Variants in SCRN3 observed in about 807,000 individuals in gnomAD.
The protein encoded by SCRN3 is secernin 3, also known as secernin-3.
In SCRN3, 39 loss-of-function variants were observed where a neutral mutation model predicts 43.1. That is an observed-to-expected ratio of 0.91 (90% confidence interval 0.70 to 1.18). The LOEUF is 1.18. Ranked by LOEUF, SCRN3 falls within the 50% of genes most tolerant of loss-of-function variation. SCRN3 has a pLI of 0.00. For synonymous variants in SCRN3, 147 were observed against 163.1 expected (o/e 0.90, Z 0.75); for missense variants, 484 against 498.0 (o/e 0.97, Z 0.27).
chr2:174,410,516 C>T (rs1685880941), intron 5 of SCRN3: 1 of 152,264 alleles, frequency 6.6e-6, no homozygotes, highest in Non-Finnish European at 1.5e-5. Flanking sequence ...AAGTATTATA[C>T]AATTGTGAGA....
chr2:174,411,046 T>C (rs1396947383), intron 5 of SCRN3, among the ~76,000 whole-genome samples: 1 of 152,072 alleles, frequency 6.6e-6, no homozygotes, highest in Non-Finnish European at 1.5e-5. Context: ...ATTACGGCTA[T>C]GAGTCTGAAA....
chr2:174,405,015 C>G (rs76513449), intron 5 of SCRN3, among the ~76,000 whole-genome samples: 175 of 107,768 alleles, frequency 1.6e-3, no homozygotes, highest in East Asian at 2.9e-3. Context: ...AGTTCTAGAT[C>G]CCTGAGGAAT....
At chr2:174,398,583 CTG>C in intron 2 of SCRN3, 141 bp downstream of exon 2, 2 of 620,382 alleles carry the variant, frequency 3.2e-6, no homozygotes, top group Non-Finnish European at 5.2e-6. Context: ...CAGAAATAAA[CTG>C]TGATCTTTTA....
rs200502212 is a variant in SCRN3 at position 174,399,964 on chromosome 2, G to A, written c.202G>A (p.Val68Ile). 1.0e-4 allele frequency: 163 copies of A among 1,559,368 alleles called. No homozygotes were observed. Among genetic ancestry groups the A allele is most frequent in the Non-Finnish European group, 1.3e-4 (156 of 1,160,186 alleles). ...TGATCAAGTTCCTGAAACATATGCT[G>A]TTGTCCTGAGTCGCCCAGCGTGGTT... is the stretch of plus-strand genomic sequence containing the variant. ...EIDQVPETYAVVLSRPAWLWG... is the reference protein window; with the variant it reads ...EIDQVPETYAIVLSRPAWLWG... The change falls in exon 3 of 8, where the codon GTT becomes ATT. Residue 68 changes from valine (V) to isoleucine (I), a missense_variant. Transcript: ENST00000272732.
In SCRN3 at chr2:174,407,741, T is replaced by A. The variant is rs1251261121; in HGVS notation, c.754+3426T>A. 3.5e-3 allele frequency among the ~76,000 whole-genome samples: 406 copies of A among 116,306 alleles called. 1 individual carries two copies. The highest frequency in any genetic ancestry group is 5.7e-3 in the Non-Finnish European group (328 of 57,476). The allele number at this position is 116,306 out of a possible 152,430, so 76.3% of individuals were successfully genotyped here. A position where few individuals can be genotyped will look rare whatever the true frequency, so the allele number is the denominator to read the frequency against. On this transcript the variant is annotated intron_variant, in intron 5 of 7. Coordinates refer to ENST00000272732, the MANE Select transcript of SCRN3 (RefSeq NM_024583.5). ...TACCCAGTAGTCATTCAGGAGCAGGTTGTTCAGTTTCCATGTAGTTGAGCG... is the reference window on the plus strand; with the variant it reads ...TACCCAGTAGTCATTCAGGAGCAGGATGTTCAGTTTCCATGTAGTTGAGCG...
In SCRN3 at chr2:174,404,206, T is replaced by A; in HGVS notation, c.645T>A (p.Gly215=). 2 of 1,613,824 alleles carry A rather than the reference T, an allele frequency of 1.2e-6. No individual in the cohort carries two copies. The highest frequency in any genetic ancestry group is 1.7e-6 in the Non-Finnish European group (2 of 1,179,828). Residue 215 remains glycine (G), a synonymous_variant, in exon 5 of 8, where the codon GGT becomes GGA. Coordinates refer to ENST00000272732, the MANE Select transcript of SCRN3 (RefSeq NM_024583.5). ...NYAKRKGWWD[G]KKEFDFAAAY... The stretch of plus-strand genomic sequence containing the variant: ...CTAAGCGGAAAGGTTGGTGGGATGG[T>A]AAAAAGGAGTTTGATTTTGCTGCAG...
chr2:174,400,118 C>T lies in SCRN3; in HGVS notation c.341+15C>T, dbSNP rs1179077319. The T allele has an allele frequency of 6.6e-7, 1 of 1,511,898 alleles. No homozygotes were observed. The highest frequency in any genetic ancestry group is 1.4e-5 in the African/African-American group (1 of 69,070). 93.7% of individuals were successfully genotyped at this position (1,511,898 alleles called of 1,614,324 possible). A position where few individuals can be genotyped will look rare whatever the true frequency, so the allele number is the denominator to read the frequency against. On this transcript the variant is annotated intron_variant, in intron 3 of 7. Transcript: ENST00000272732. ...GACCTTGTCAGGTTATTTTTTGTTA[C>T]ATTTTATACTACAGACCTTGTCTAA...
chr2:174,402,939 A>G (rs1327733347), intron 4 of SCRN3, among the ~76,000 whole-genome samples: 2 of 151,788 alleles, frequency 1.3e-5, no homozygotes, highest in African/African-American at 4.8e-5. Context: ...TCTATTTTGT[A>G]TTTTAGTTGA....
At chr2:174,399,621 GT>G (rs1685434887) in intron 2 of SCRN3, among the ~76,000 whole-genome samples, 1 of 152,128 alleles carries the variant, frequency 6.6e-6, no homozygotes. Context: ...TAATGTAGAA[GT>G]TTTAGTTTCT....
chr2:174,417,454 C>T (rs1241322854), intron 5 of SCRN3, among the ~76,000 whole-genome samples: 2 of 152,126 alleles, frequency 1.3e-5, no homozygotes, highest in Non-Finnish European at 2.9e-5. Context: ...AATGCAGTAG[C>T]ATGATCTCAG....
At chr2:174,427,685 G>A (rs1263945735) in intron 7 of SCRN3, 28 bp from the exon 8 acceptor site, 1 of 1,476,834 alleles carries the variant, frequency 6.8e-7, no homozygotes, top group Admixed American at 1.9e-5. Flanking sequence ...ATGTATATGT[G>A]TTTATCTTTA....
At chr2:174,409,708 A>G (rs1475389326) in intron 5 of SCRN3, among the ~76,000 whole-genome samples, 2 of 140,710 alleles carry the variant, frequency 1.4e-5, no homozygotes, top group African/African-American at 2.5e-5. Flanking sequence ...GTCTGTTGGA[A>G]TACCCTGCCG....
At chr2:174,415,991 G>A (rs1322553820) in intron 5 of SCRN3, among the ~76,000 whole-genome samples, 1 of 152,126 alleles carries the variant, frequency 6.6e-6, no homozygotes, top group African/African-American at 2.4e-5. Flanking sequence ...CTCTGAGATG[G>A]ATCAGTGATT....
At chr2:174,412,860 C>CTTTTT (rs71024803) in intron 5 of SCRN3, among the ~76,000 whole-genome samples, 18 of 61,916 alleles carry the variant, frequency 2.9e-4, no homozygotes, top group South Asian at 6.9e-4. Context: ...CCATATAGTG[C>CTTTTT]TTTTTTTTTT....
chr2:174,396,332 G>A, intron 1 of SCRN3: 1 of 986,094 alleles, frequency 1.0e-6, no homozygotes, highest in Non-Finnish European at 1.2e-6. Context: ...AGTGGGCTAG[G>A]TGCAATTCTA....
At chr2:174,426,497 C>T (rs905745246) in intron 7 of SCRN3, among the ~76,000 whole-genome samples, 22 of 152,264 alleles carry the variant, frequency 1.4e-4, no homozygotes, top group Middle Eastern at 3.4e-3. Context: ...ACAGGCCGGG[C>T]GCGGTGGCTC....
intron 6 of SCRN3, 101 bp downstream of exon 6, chr2:174,423,148 T>A: frequency 1.2e-6 from 1 of 844,186 alleles, no homozygotes; most frequent in Non-Finnish European, 1.8e-6. Flanking sequence ...GTTATACAAC[T>A]AGGACAATAA....
intron 1 of SCRN3, 84 bp from the exon 2 acceptor site, chr2:174,398,191 A>G: frequency 1.3e-6 from 1 of 791,732 alleles, no homozygotes; most frequent in African/African-American, 1.8e-5. Flanking sequence ...TGGCAATAAT[A>G]TCCTTTGGTC....
chr2:174,427,987 C>G lies in SCRN3; in HGVS notation c.*92C>G. 1 of 823,258 alleles carries G rather than the reference C, an allele frequency of 1.2e-6. No individual in the cohort carries two copies. Among genetic ancestry groups the G allele is most frequent in the Non-Finnish European group, 1.9e-6 (1 of 521,024 alleles). 51.0% of individuals were successfully genotyped at this position (823,258 alleles called of 1,614,324 possible). On this transcript the variant is annotated 3_prime_UTR_variant, in exon 8 of 8. Transcript: ENST00000272732. ...TATCACCTTGGTAAATTATATAAAC[C>G]TAACTTGAGCAGATCTGATTATTCT...
Sources: allele counts gnomAD v4.1 joint callset (sites outside exome capture counted in the v4.1 genomes callset), GRCh38; gene constraint gnomAD v4.1.1; transcripts MANE v1.5; gene names NCBI Gene and HGNC (gene_info 2026-07-23, HGNC 2026-07-21).